The following CHSY3 variants were observed in gnomAD, a reference collection of about 807,000 sequenced individuals.
CHSY3 encodes N-acetylgalactosaminyl-proteoglycan 3-beta-glucuronosyltransferase 3.
A neutral mutation model predicts 67.2 loss-of-function variants in CHSY3; 35 were observed. The ratio of observed to expected loss-of-function variants is 0.52; its 90% confidence interval spans 0.40 to 0.69. The LOEUF is 0.69. Among genes scored for constraint, CHSY3 ranks in the 30% least tolerant of loss-of-function variants. The pLI is 0.00. For missense variants in CHSY3, 1,069 were observed against 1,138.5 expected, an observed-to-expected ratio of 0.94 and a Z score of 0.88; for synonymous variants, 474 against 434.7, an observed-to-expected ratio of 1.09 and a Z score of -1.12.
At chr5:129,949,771 A>G (rs918666898) in intron 2 of CHSY3, among the ~76,000 whole-genome samples, 1 of 152,202 alleles carries the variant, frequency 6.6e-6, no homozygotes, top group African/African-American at 2.4e-5. Flanking sequence ...ACCATGATCA[A>G]GTAGAATTAT....
At chr5:130,159,992 G>A (rs1287184784) in intron 2 of CHSY3, among the ~76,000 whole-genome samples, 1 of 152,068 alleles carries the variant, frequency 6.6e-6, no homozygotes, top group Non-Finnish European at 1.5e-5. Context: ...GGAGTTTGAA[G>A]GTGTCACCCA....
In CHSY3 at chr5:130,040,954, T is replaced by C. The variant is rs115863296; in HGVS notation, c.1086+132594T>C. 5.0e-3 allele frequency among the ~76,000 whole-genome samples: 763 copies of C among 152,204 alleles called. 3 individuals are homozygous for C. The highest frequency in any genetic ancestry group is 7.9e-3 in the Non-Finnish European group (535 of 67,982). The stretch of plus-strand genomic sequence containing the variant: ...GCAGCAAAATTGCTTGGCTGTTTAT[T>C]TAACAGAGGCAAATTAGTATTGATG... On this transcript the variant is annotated intron_variant, in intron 2 of 2. Coordinates refer to ENST00000305031, the MANE Select transcript of CHSY3 (RefSeq NM_175856.5).
intron 2 of CHSY3, among the ~76,000 whole-genome samples, chr5:130,097,729 C>A (rs901999824): frequency 1.3e-5 from 2 of 152,150 alleles, no homozygotes; most frequent in Non-Finnish European, 2.9e-5. Flanking sequence ...GGAGGCAGGA[C>A]GCGGTGGCTC....
At chr5:130,061,693 C>G (rs1765718042) in intron 2 of CHSY3, among the ~76,000 whole-genome samples, 1 of 151,950 alleles carries the variant, frequency 6.6e-6, no homozygotes, top group South Asian at 2.1e-4. Flanking sequence ...ATAAGGAACT[C>G]AGACAATGCA....
chr5:129,928,181 G>T (rs1000684920), intron 2 of CHSY3, among the ~76,000 whole-genome samples: 1 of 150,392 alleles, frequency 6.6e-6, no homozygotes, highest in Non-Finnish European at 1.5e-5. Context: ...TATCTTTCCT[G>T]ATCCTCCCTC....
At chr5:130,040,333 C>A (rs1333608067) in intron 2 of CHSY3, among the ~76,000 whole-genome samples, 1 of 152,244 alleles carries the variant, frequency 6.6e-6, no homozygotes, top group Non-Finnish European at 1.5e-5. Flanking sequence ...CAGCCGTGAG[C>A]TTCCAGAGTA....
chr5:130,037,737 A>T (rs909245729), intron 2 of CHSY3, among the ~76,000 whole-genome samples: 9 of 152,076 alleles, frequency 5.9e-5, no homozygotes, highest in African/African-American at 2.2e-4. Context: ...ATGAAAGGAA[A>T]GGGCAATATT....
chr5:130,010,443 G>C (rs1205032384), intron 2 of CHSY3, among the ~76,000 whole-genome samples: 2 of 151,980 alleles, frequency 1.3e-5, no homozygotes, highest in Non-Finnish European at 2.9e-5. Flanking sequence ...ATGCAAACAG[G>C]GATACAATAC....
At chr5:130,060,711 G>A (rs1034537953) in intron 2 of CHSY3, among the ~76,000 whole-genome samples, 4 of 152,234 alleles carry the variant, frequency 2.6e-5, no homozygotes, top group Admixed American at 6.5e-5. Flanking sequence ...ATTCAGTAAA[G>A]TTTCAGGATA....
intron 2 of CHSY3, among the ~76,000 whole-genome samples, chr5:129,989,835 T>G (rs769682395): frequency 6.6e-6 from 1 of 152,194 alleles, no homozygotes; most frequent in Non-Finnish European, 1.5e-5. Flanking sequence ...GGAATCTTAT[T>G]CTGTAAACAG....
chr5:130,140,740 T>C, intron 2 of CHSY3: 1 of 259,668 alleles, frequency 3.9e-6, no homozygotes, highest in Non-Finnish European at 7.2e-6. Context: ...TTAACCATTT[T>C]ATTACTGAGT....
At chr5:129,982,250 A>G (rs181862422) in intron 2 of CHSY3, among the ~76,000 whole-genome samples, 5 of 152,072 alleles carry the variant, frequency 3.3e-5, no homozygotes, top group East Asian at 3.9e-4. Context: ...ACATCTTTCT[A>G]TATATAAAAC....
chr5:130,030,867 A>T (rs1353321172), intron 2 of CHSY3, among the ~76,000 whole-genome samples: 1 of 152,102 alleles, frequency 6.6e-6, no homozygotes, highest in Admixed American at 6.6e-5. Flanking sequence ...TGGTCTAAAG[A>T]ATGGTAATTA....
intron 2 of CHSY3, 137 bp downstream of exon 2, chr5:129,908,497 C>G: frequency 7.6e-7 from 1 of 1,322,586 alleles, no homozygotes; most frequent in African/African-American, 1.5e-5. Flanking sequence ...TTAAGGGATA[C>G]AAGAGTGGGA....
At chr5:130,181,593 A>G (rs780388677) in intron 2 of CHSY3, among the ~76,000 whole-genome samples, 7 of 152,306 alleles carry the variant, frequency 4.6e-5, no homozygotes, top group Non-Finnish European at 1.0e-4. Context: ...AGTATAGCAG[A>G]TAAATATATC....
Position 130,185,104 on chromosome 5 carries a change from G to C in CHSY3, c.1962G>C (p.Leu654Phe). 1.3e-6 allele frequency: 2 copies of C among 1,597,608 alleles called. No homozygotes were observed. Among genetic ancestry groups the C allele is most frequent in the Non-Finnish European group, 1.7e-6 (2 of 1,165,056 alleles). ...MCLIPKQNVKLVIILFSRDSG... is the reference protein window; with the variant it reads ...MCLIPKQNVKFVIILFSRDSG... The stretch of plus-strand genomic sequence containing the variant: ...TTATCCCAAAGCAGAATGTAAAGTT[G>C]GTCATTATCCTTTTCAGTAGGGATT... Residue 654 changes from leucine (L) to phenylalanine (F), a missense_variant, in exon 3 of 3, where the codon TTG becomes TTC. Leu to Phe is a conservative substitution (Grantham distance 22). Coordinates refer to ENST00000305031, the MANE Select transcript of CHSY3 (RefSeq NM_175856.5).
chr5:130,027,071 C>T (rs1764567571), intron 2 of CHSY3, among the ~76,000 whole-genome samples: 1 of 152,072 alleles, frequency 6.6e-6, no homozygotes, highest in African/African-American at 2.4e-5. Context: ...TAAATTTGTG[C>T]CCCAAAGGCA....
At chr5:129,910,464 AT>A (rs1271477603) in intron 2 of CHSY3, among the ~76,000 whole-genome samples, 3 of 152,060 alleles carry the variant, frequency 2.0e-5, no homozygotes, top group Non-Finnish European at 4.4e-5. Flanking sequence ...TAAAGGAGCT[AT>A]TTAAACAGTA....
At chr5:129,989,926 T>C (rs181634330) in intron 2 of CHSY3, among the ~76,000 whole-genome samples, 10 of 152,288 alleles carry the variant, frequency 6.6e-5, no homozygotes, top group Middle Eastern at 3.4e-3. Flanking sequence ...ACAAGCAATA[T>C]AGGTAATCCA....
Sources: gnomAD v4.1 joint callset for allele counts (sites outside exome capture counted in the v4.1 genomes callset) on GRCh38, gnomAD v4.1.1 for gene constraint, MANE v1.5 for transcripts, NCBI Gene and HGNC (gene_info 2026-07-23, HGNC 2026-07-21) for gene names.